Variants in GPSM1 observed in about 807,000 individuals in gnomAD.
GPSM1 encodes the protein G protein-signaling modulator 1.
A neutral mutation model predicts 70.5 loss-of-function variants in GPSM1; 48 were observed. The ratio of observed to expected loss-of-function variants is 0.68; its 90% CI spans 0.54 to 0.87. GPSM1 has a LOEUF of 0.87. Among genes scored for constraint, GPSM1 ranks in the 40% least tolerant of loss-of-function variants. The probability of loss-of-function intolerance (pLI) is 0.00; values close to 1 mark genes in which losing one functional copy is unlikely to be tolerated. For missense variants in GPSM1, 981 were observed against 972.6 expected (o/e 1.01, Z -0.11); for synonymous variants, 416 against 430.1 (o/e 0.97, Z 0.41).
At chr9:136,329,504 C>T (rs1470379949) in intron 1 of GPSM1, among the ~76,000 whole-genome samples, 2 of 152,162 alleles carry the variant, frequency 1.3e-5, no homozygotes, top group Non-Finnish European at 2.9e-5. Context: ...GTGCTGGGGG[C>T]GGCCCACCTG....
chr9:136,338,430 C>T, intron 6 of GPSM1, 125 bp from the exon 7 acceptor site: 3 of 895,092 alleles, frequency 3.4e-6, no homozygotes, highest in Non-Finnish European at 5.0e-6. Flanking sequence ...TGAAGCTGGA[C>T]CCCAGAGAGG....
In GPSM1 at chr9:136,341,654, C is replaced by G; in HGVS notation, c.1207+661C>G. 1 of 1,000,468 alleles carries G rather than the reference C, an allele frequency of 1.0e-6. No homozygotes were observed. Among genetic ancestry groups the G allele is most frequent in the Non-Finnish European group, 1.2e-6 (1 of 838,390 alleles). The allele number at this position is 1,000,468 out of a possible 1,614,324, so 62.0% of individuals were successfully genotyped here. A position where few individuals can be genotyped will look rare whatever the true frequency, so the allele number is the denominator to read the frequency against. ...GGGAGCAGCTGCCCCACCCATGTGTCCCCCACTCCCAAAGGTCTTGAGTTT... is the reference window on the plus strand; with the variant it reads ...GGGAGCAGCTGCCCCACCCATGTGTGCCCCACTCCCAAAGGTCTTGAGTTT... On this transcript the variant is annotated intron_variant, in intron 9 of 13. Transcript: ENST00000440944. This position sits in a 1 kb window ranked among gnomAD's most constrained non-coding sequence, Gnocchi z 6.7.
intron 11 of GPSM1, chr9:136,352,969 G>A (rs189532900): frequency 3.6e-5 from 13 of 361,328 alleles, no homozygotes; most frequent in South Asian, 2.2e-4. Context: ...GAGCAGGGGC[G>A]GGCGCTAGGA....
In GPSM1 at chr9:136,349,597, G is replaced by C; in HGVS notation, c.1289G>C (p.Gly430Ala). ...CTTACCCCTCCCCAGGAGCAGAATG[G>C]AGACAGCCACCATTCAGGGGACTGG... is the stretch of plus-strand genomic sequence containing the variant. ...LRLPLEREQN[G>A]DSHHSGDWRG... Residue 430 changes from glycine (G) to alanine (A), a missense_variant, in exon 11 of 14, where the codon GGA becomes GCA. Coordinates refer to ENST00000440944, the MANE Select transcript of GPSM1 (RefSeq NM_001145638.3). The C allele has an allele frequency of 6.5e-7, 1 of 1,550,190 alleles. No individual in the cohort carries two copies. Among genetic ancestry groups the C allele is most frequent in the Non-Finnish European group, 8.7e-7 (1 of 1,146,728 alleles).
In GPSM1 at chr9:136,341,794, TC is replaced by T; in HGVS notation, c.1207+802del. On this transcript the variant is annotated intron_variant, in intron 9 of 13. Coordinates refer to ENST00000440944, the MANE Select transcript of GPSM1 (RefSeq NM_001145638.3). This position sits in a 1 kb window ranked among gnomAD's most constrained non-coding sequence, Gnocchi z 6.7. Reference sequence around the variant, plus strand: ...GATGTGGTGCTGGGCTGCCGGAGTTTCTTTTTCTTATCTTATTTTTAATAAT... The same window carrying T: ...GATGTGGTGCTGGGCTGCCGGAGTTTTTTTTCTTATCTTATTTTTAATAAT... 1.0e-6 allele frequency: 1 copy of T among 983,482 alleles called. No individual in the cohort carries two copies. Among genetic ancestry groups the T allele is most frequent in the African/African-American group, 1.7e-5 (1 of 57,256 alleles). The allele number at this position is 983,482 out of a possible 1,614,324, so 60.9% of individuals were successfully genotyped here.
intron 1 of GPSM1, among the ~76,000 whole-genome samples, chr9:136,331,245 C>T (rs1369672164): frequency 1.3e-5 from 2 of 152,180 alleles, no homozygotes; most frequent in East Asian, 3.9e-4. Context: ...CGGCATCCCC[C>T]AGGCCCCACG....
intron 9 of GPSM1, among the ~76,000 whole-genome samples, chr9:136,345,485 C>T (rs1466045193): frequency 1.3e-5 from 2 of 152,202 alleles, no homozygotes; most frequent in East Asian, 1.9e-4. Context: ...GCCATGAGGG[C>T]GCCCGCCCTG....
chr9:136,358,470 CG>C lies in GPSM1; in HGVS notation c.*252del, dbSNP rs1170382089. On this transcript the variant is annotated 3_prime_UTR_variant, in exon 14 of 14. Coordinates refer to ENST00000440944, the MANE Select transcript of GPSM1 (RefSeq NM_001145638.3). ...CCTGCCGCAGGCCGGACGGGGCCTT[CG>C]GCATGTCGGCCCCGACCTGGTGCTG... 1.3e-5 allele frequency: 7 copies of C among 553,934 alleles called. No individual in the cohort carries two copies. The highest frequency in any genetic ancestry group is 2.2e-5 in the Non-Finnish European group (7 of 318,056). The allele number at this position is 553,934 out of a possible 1,614,324, so 34.3% of individuals were successfully genotyped here.
chr9:136,343,212 G>A lies in GPSM1; in HGVS notation c.1207+2219G>A, dbSNP rs1212433876. 6.6e-6 allele frequency among the ~76,000 whole-genome samples: 1 copy of A among 152,136 alleles called. No individual in the cohort carries two copies. Among genetic ancestry groups the A allele is most frequent in the Non-Finnish European group, 1.5e-5 (1 of 68,020 alleles). On this transcript the variant is annotated intron_variant, in intron 9 of 13. Transcript: ENST00000440944. This position sits in a 1 kb window ranked among gnomAD's most constrained non-coding sequence, Gnocchi z 6.0. ...ACAGCAACCAGCCCCCACCTCCCTG[G>A]CCAGAGGGCACAGGCCCGGGCCTCC...
At position 136,349,699 on chromosome 9, in the gene GPSM1, G is replaced by T. The variant is rs1832610447; in HGVS notation, c.1391G>T (p.Arg464Met). Residue 464 changes from arginine to methionine, a missense_variant, in exon 11 of 14, where the codon AGG (arginine) becomes ATG (methionine). Physicochemically the swap from Arg to Met is moderately conservative, Grantham distance 91. Transcript: ENST00000440944. The part of the protein sequence containing the change: ...KYQEGPDAER[R>M]PREGSHSPLD... ...CAGGAAGGCCCGGACGCTGAGAGGA[G>T]GCCCCGGGAGGGCAGCCACTCCCCG... 3 of 1,565,392 alleles carry T rather than the reference G, an allele frequency of 1.9e-6. No homozygotes were observed. The highest frequency in any genetic ancestry group is 2.6e-6 in the Non-Finnish European group (3 of 1,155,672).
At chr9:136,339,343 G>C (rs942799730) in intron 7 of GPSM1, among the ~76,000 whole-genome samples, 8 of 152,286 alleles carry the variant, frequency 5.3e-5, no homozygotes, top group Non-Finnish European at 1.0e-4. Context: ...GTGCCCGTAA[G>C]GGTGGAGGGA....
intron 1 of GPSM1, among the ~76,000 whole-genome samples, chr9:136,328,693 G>T (rs1339119192): frequency 6.6e-6 from 1 of 152,222 alleles, no homozygotes; most frequent in Non-Finnish European, 1.5e-5. Context: ...GGCGGACAGA[G>T]GCCTTGCTGC....
chr9:136,337,459 G>A lies in GPSM1; in HGVS notation c.597G>A (p.Val199=). Residue 199 remains valine, a synonymous_variant, in exon 5 of 14, where the codon GTG becomes GTA. Coordinates refer to ENST00000440944, the MANE Select transcript of GPSM1 (RefSeq NM_001145638.3). ...SEFYERNLSL[V]KELGDRAAQG... is the part of the protein sequence containing the mutation. ...CCCCCAGGAGGAACCTGTCCCTGGT[G>A]AAGGAGCTGGGCGACCGTGCGGCGC... 2 of 1,569,532 alleles carry A rather than the reference G, an allele frequency of 1.3e-6. No individual in the cohort carries two copies. The highest frequency in any genetic ancestry group is 2.7e-5 in the African/African-American group (2 of 74,592).
intron 11 of GPSM1, among the ~76,000 whole-genome samples, chr9:136,351,954 A>AGTGGCCAG (rs1554772174): frequency 6.6e-6 from 1 of 151,316 alleles, no homozygotes; most frequent in Non-Finnish European, 1.5e-5. Flanking sequence ...CTGGGGCGTC[A>AGTGGCCAG]GTGGCCGGGT....
At chr9:136,337,706 C>T (rs1260879860) in intron 5 of GPSM1, 140 bp from the exon 6 acceptor site, 5 of 984,214 alleles carry the variant, frequency 5.1e-6, no homozygotes, top group East Asian at 5.2e-5. Flanking sequence ...CTCATCTGCA[C>T]TTGGTCCTGC....
At chr9:136,353,864 A>G (rs1832739440) in intron 11 of GPSM1, among the ~76,000 whole-genome samples, 1 of 152,276 alleles carries the variant, frequency 6.6e-6, no homozygotes, top group Admixed American at 6.5e-5. Flanking sequence ...TGTGGCCCCA[A>G]CTGGCACTCA....
chr9:136,327,730 T>C lies in GPSM1; in HGVS notation c.35T>C (p.Leu12Pro), dbSNP rs1554768050. 9 of 1,188,172 alleles carry C rather than the reference T, an allele frequency of 7.6e-6. No homozygotes were observed. The highest frequency in any genetic ancestry group is 8.8e-5 in the Admixed American group (2 of 22,696). 73.6% of individuals were successfully genotyped at this position (1,188,172 alleles called of 1,614,324 possible). A position where few individuals can be genotyped will look rare whatever the true frequency, so the allele number is the denominator to read the frequency against. Residue 12 changes from leucine (L) to proline (P), a missense_variant, in exon 1 of 14, where the codon CTC becomes CCC. Coordinates refer to ENST00000440944, the MANE Select transcript of GPSM1 (RefSeq NM_001145638.3). ...AGPAPPAADE[L>P]PGPAARRLYS... ...CCGGCCCCGCCCGCGGCCGACGAGC[T>C]CCCGGGCCCGGCCGCCAGGCGCCTC...
At position 136,330,626 on chromosome 9, in the gene GPSM1, G is replaced by A. The variant is rs531857868; in HGVS notation, c.68+2863G>A. 2.6e-4 allele frequency among the ~76,000 whole-genome samples: 39 copies of A among 152,332 alleles called. No individual in the cohort carries two copies. In the South Asian group the frequency reaches 7.9e-3, roughly 31 times the overall value. ...CTGGGGGTGTCTGGCTGGGGGATGGGGCAGATAGAGCCAGCTGTGAGCAGA... is the reference window on the plus strand; with the variant it reads ...CTGGGGGTGTCTGGCTGGGGGATGGAGCAGATAGAGCCAGCTGTGAGCAGA... On this transcript the variant is annotated intron_variant, in intron 1 of 13. Transcript: ENST00000440944.
At position 136,341,144 on chromosome 9, in the gene GPSM1, G is replaced by A; in HGVS notation, c.1207+151G>A. On this transcript the variant is annotated intron_variant, in intron 9 of 13. Transcript: ENST00000440944. The surrounding 1 kb of genome is among the most constrained non-coding windows in gnomAD (Gnocchi z 6.7). ...ACAAGCCAGTTCTTCTTGGCCTCAG[G>A]GACAGCACAGGCCTGAGGTTCACCC... 2 of 1,550,106 alleles carry A rather than the reference G, an allele frequency of 1.3e-6. No homozygotes were observed. Among genetic ancestry groups the A allele is most frequent in the Non-Finnish European group, 1.7e-6 (2 of 1,146,882 alleles).
Sources: gnomAD v4.1 joint callset for allele counts (sites outside exome capture counted in the v4.1 genomes callset) on GRCh38, gnomAD v4.1.1 for gene constraint, Gnocchi (gnomAD v3.1) non-coding constraint, MANE v1.5 for transcripts, NCBI Gene and HGNC (gene_info 2026-07-23, HGNC 2026-07-21) for gene names.